Variants in ANKRD66 observed in about 807,000 individuals in gnomAD.
ANKRD66 encodes ankyrin repeat domain-containing protein 66.
A neutral mutation model predicts 10.9 loss-of-function variants in ANKRD66; 10 were observed. That is an observed-to-expected ratio of 0.91 (90% CI 0.56 to 1.55). ANKRD66 has a LOEUF of 1.55. Among genes scored for constraint, ANKRD66 ranks in the 40% most tolerant of loss-of-function variants. ANKRD66 has a pLI of 0.00. For missense variants in ANKRD66, 252 were observed against 242.9 expected, an observed-to-expected ratio of 1.04 and a Z score of -0.25; for synonymous variants, 85 against 88.4, an observed-to-expected ratio of 0.96 and a Z score of 0.22.
intron 1 of ANKRD66, among the ~76,000 whole-genome samples, chr6:46,749,607 C>A (rs1030983521): frequency 1.7e-5 from 2 of 117,472 alleles, no homozygotes; most frequent in Non-Finnish European, 3.2e-5. Flanking sequence ...TATTTACTAT[C>A]TGGTTCTTTA....
chr6:46,752,811 C>T (rs770682919), intron 3 of ANKRD66, among the ~76,000 whole-genome samples: 2 of 152,128 alleles, frequency 1.3e-5, no homozygotes, highest in African/African-American at 2.4e-5. Context: ...TCATTGAATC[C>T]CCCACGCCTT....
intron 3 of ANKRD66, among the ~76,000 whole-genome samples, chr6:46,753,453 T>C (rs953751042): frequency 3.9e-5 from 6 of 152,040 alleles, no homozygotes; most frequent in Non-Finnish European, 5.9e-5. Context: ...CCTGTGGCAA[T>C]GCACAGGGGA....
chr6:46,755,799 C>T (rs981958732), intron 4 of ANKRD66, among the ~76,000 whole-genome samples: 2 of 152,098 alleles, frequency 1.3e-5, no homozygotes, highest in Non-Finnish European at 2.9e-5. Context: ...AGCTAATCTA[C>T]TTTTTTTAAT....
chr6:46,758,269 A>C (rs1766418805), intron 4 of ANKRD66: 1 of 153,098 alleles, frequency 6.5e-6, no homozygotes, highest in South Asian at 2.1e-4. Flanking sequence ...GTATTTTTAC[A>C]GAATCCATAC....
chr6:46,747,676 C>T (rs898324551), intron 1 of ANKRD66, among the ~76,000 whole-genome samples: 1 of 152,198 alleles, frequency 6.6e-6, no homozygotes, highest in Non-Finnish European at 1.5e-5. Flanking sequence ...GGATATTCCA[C>T]ATTTTGTGTA....
Position 46,746,994 on chromosome 6 carries a change from A to T in ANKRD66, c.-97+4A>T. The T allele has an allele frequency of 6.5e-7, 1 of 1,535,356 alleles. No homozygotes were observed. On this transcript the variant is annotated splice_donor_region_variant and intron_variant, in intron 1 of 4. Transcript: ENST00000565422. Reference sequence around the variant, plus strand: ...TCCTCAAATTTCACACAAGACAGTAAGTGTTTTTAAGTTACCCTCTCTTAT... The same window carrying T: ...TCCTCAAATTTCACACAAGACAGTATGTGTTTTTAAGTTACCCTCTCTTAT...
At chr6:46,749,564 C>CG (rs1162219530) in intron 1 of ANKRD66, among the ~76,000 whole-genome samples, 2 of 115,634 alleles carry the variant, frequency 1.7e-5, no homozygotes, top group East Asian at 6.0e-4. Context: ...CCCCCCCCCC[C>CG]CCCGCTTTTT....
intron 3 of ANKRD66, among the ~76,000 whole-genome samples, chr6:46,753,206 C>T (rs1766306168): frequency 6.6e-6 from 1 of 152,138 alleles, no homozygotes; most frequent in Admixed American, 6.5e-5. Context: ...AGGAAATTGG[C>T]CTCAGATATT....
intron 1 of ANKRD66, among the ~76,000 whole-genome samples, chr6:46,749,566 C>G (rs1278486685): frequency 1.7e-5 from 2 of 116,182 alleles, no homozygotes; most frequent in Non-Finnish European, 3.4e-5. Flanking sequence ...CCCCCCCCCC[C>G]CGCTTTTTTC....
intron 2 of ANKRD66, among the ~76,000 whole-genome samples, chr6:46,750,625 T>C (rs1372429529): frequency 6.7e-6 from 1 of 148,910 alleles, no homozygotes; most frequent in African/African-American, 2.4e-5. Context: ...CATACACATA[T>C]ACATACACAC....
At chr6:46,752,509 A>G (rs1305459227) in intron 3 of ANKRD66, among the ~76,000 whole-genome samples, 1 of 152,228 alleles carries the variant, frequency 6.6e-6, no homozygotes. Flanking sequence ...TGCTGGGATT[A>G]CAGGCGTGAG....
rs1345210148 is a variant in ANKRD66, at chr6:46,758,941, C to T, written c.*20C>T. ...GTATGAGAACTCAACCTTATGTTTT[C>T]TGGCAAGGAACTTTCCCTGGTGCCA... On this transcript the variant is annotated 3_prime_UTR_variant, in exon 5 of 5. Coordinates refer to ENST00000565422, the MANE Select transcript of ANKRD66 (RefSeq NM_001162435.3). 3 of 1,524,310 alleles carry T rather than the reference C, an allele frequency of 2.0e-6. No individual in the cohort carries two copies. The Admixed American group carries it at 6.5e-5, about 33-fold the overall frequency. The allele number at this position is 1,524,310 out of a possible 1,614,324, so 94.4% of individuals were successfully genotyped here.
Position 46,751,937 on chromosome 6 carries a change from T to C in ANKRD66, c.-12T>C. ...CCTAAGTGGCATGTCTCTCCCACAG[T>C]TGTTTTCTGCCATGGAATTGGCCAA... is the stretch of plus-strand genomic sequence containing the variant. On this transcript the variant is annotated splice_region_variant and 5_prime_UTR_variant, in exon 3 of 5. Coordinates refer to ENST00000565422, the MANE Select transcript of ANKRD66 (RefSeq NM_001162435.3). The C allele has an allele frequency of 6.9e-7, 1 of 1,440,292 alleles. No individual in the cohort carries two copies. The highest frequency in any genetic ancestry group is 9.1e-7 in the Non-Finnish European group (1 of 1,097,528). 89.2% of individuals were successfully genotyped at this position (1,440,292 alleles called of 1,614,324 possible).
chr6:46,753,735 G>C lies in ANKRD66; in HGVS notation c.177G>C (p.Val59=), dbSNP rs764674420. ...GGTACATCTAAGGGCAAATGGAGGT[G>C]ATACGGCTCCTGATAGAATATGGAG... The part of the protein sequence containing the change: ...HWAAIKGQME[V]IRLLIEYGAR... Residue 59 remains valine, a synonymous_variant, in exon 4 of 5, where the codon GTG becomes GTC. Coordinates refer to ENST00000565422, the MANE Select transcript of ANKRD66 (RefSeq NM_001162435.3). 1 of 1,549,358 alleles carries C rather than the reference G, an allele frequency of 6.5e-7. No individual in the cohort carries two copies. Among genetic ancestry groups the C allele is most frequent in the Non-Finnish European group, 8.7e-7 (1 of 1,145,850 alleles).
intron 1 of ANKRD66, among the ~76,000 whole-genome samples, chr6:46,747,526 G>A (rs2150725079): frequency 6.6e-6 from 1 of 152,258 alleles, no homozygotes; most frequent in African/African-American, 2.4e-5. Context: ...TGCTTATTCT[G>A]GGCATTCCAC....
chr6:46,749,555 C>CCCG (rs1766219922), intron 1 of ANKRD66, among the ~76,000 whole-genome samples: 1 of 52,930 alleles, frequency 1.9e-5, no homozygotes, highest in South Asian at 8.4e-4. Context: ...TTTATTCCCC[C>CCCG]CCCCCCCCCC....
At chr6:46,752,145 T>C (rs1766283903) in intron 3 of ANKRD66, 34 bp downstream of exon 3, 4 of 1,415,574 alleles carry the variant, frequency 2.8e-6, no homozygotes, top group East Asian at 2.9e-5. Context: ...ATCTGCCCTT[T>C]TGAGTCCACC....
At chr6:46,747,065 T>G (rs1766160029) in intron 1 of ANKRD66, 75 bp downstream of exon 1, 5 of 1,438,790 alleles carry the variant, frequency 3.5e-6, no homozygotes, top group Non-Finnish European at 4.7e-6. Flanking sequence ...AAACTGATAT[T>G]TATTGACTAC....
intron 4 of ANKRD66, among the ~76,000 whole-genome samples, chr6:46,754,169 G>C (rs1238119420): frequency 6.6e-6 from 1 of 152,024 alleles, no homozygotes; most frequent in Non-Finnish European, 1.5e-5. Flanking sequence ...ATGTTGTTTT[G>C]ATTATACAAA....
Sources: gnomAD v4.1 joint callset for allele counts (sites outside exome capture counted in the v4.1 genomes callset) on GRCh38, gnomAD v4.1.1 for gene constraint, MANE v1.5 for transcripts, NCBI Gene and HGNC (gene_info 2026-07-23, HGNC 2026-07-21) for gene names.